Variants in PKP4 observed in about 807,000 individuals in gnomAD.
The protein encoded by PKP4 is plakophilin-4.
A neutral mutation model predicts 145.1 loss-of-function variants in PKP4; 90 were observed. The observed-to-expected ratio is 0.62, with a 90% CI of 0.52 to 0.74. PKP4 has a LOEUF of 0.74. Ranked by LOEUF, PKP4 falls within the 30% of genes least tolerant of loss-of-function variation. PKP4 has a pLI of 0.00. For synonymous variants in PKP4, 563 were observed against 577.2 expected (o/e 0.98, Z 0.35); for missense variants, 1,340 against 1,482.7 (o/e 0.90, Z 1.58).
At chr2:158,557,771 G>A (rs1300509002) in intron 2 of PKP4, among the ~76,000 whole-genome samples, 1 of 152,176 alleles carries the variant, frequency 6.6e-6, no homozygotes, top group Non-Finnish European at 1.5e-5. Context: ...GATGGAACAG[G>A]ACCTGTTTAC....
At chr2:158,634,564 C>A (rs1405755580) in intron 9 of PKP4, among the ~76,000 whole-genome samples, 2 of 152,180 alleles carry the variant, frequency 1.3e-5, no homozygotes, top group Non-Finnish European at 2.9e-5. Flanking sequence ...TGAAATATTT[C>A]ATCAAGACAA....
chr2:158,570,712 A>G (rs1222282522), intron 2 of PKP4, among the ~76,000 whole-genome samples: 1 of 152,212 alleles, frequency 6.6e-6, no homozygotes, highest in Non-Finnish European at 1.5e-5. Flanking sequence ...TGTCACGCAG[A>G]TAAACATTTC....
At chr2:158,676,615 C>T in intron 19 of PKP4, 124 bp from the exon 20 acceptor site, 2 of 1,163,608 alleles carry the variant, frequency 1.7e-6, no homozygotes, top group South Asian at 1.3e-5. Flanking sequence ...GAGATATTTT[C>T]AGCACCAGCT....
chr2:158,647,373 T>C (rs932847341), intron 11 of PKP4, among the ~76,000 whole-genome samples: 1 of 152,222 alleles, frequency 6.6e-6, no homozygotes, highest in Non-Finnish European at 1.5e-5. Context: ...CTAGGAATTC[T>C]TTGATTCTTA....
At chr2:158,606,930 A>G (rs1479895167) in intron 4 of PKP4, among the ~76,000 whole-genome samples, 2 of 152,166 alleles carry the variant, frequency 1.3e-5, no homozygotes, top group African/African-American at 4.8e-5. Context: ...GAAAATCATA[A>G]GTATATACGT....
chr2:158,583,662 C>T (rs2048531262), intron 3 of PKP4, among the ~76,000 whole-genome samples: 1 of 151,946 alleles, frequency 6.6e-6, no homozygotes, highest in African/African-American at 2.4e-5. Context: ...TTTTCATGAA[C>T]CCCCCTAAAA....
At chr2:158,604,737 G>A (rs1210265231) in intron 4 of PKP4, among the ~76,000 whole-genome samples, 2 of 152,136 alleles carry the variant, frequency 1.3e-5, no homozygotes, top group Non-Finnish European at 1.5e-5. Flanking sequence ...GGCAGCAAGT[G>A]ACACCACTCA....
chr2:158,670,024 T>C (rs2057425577), intron 17 of PKP4, 109 bp downstream of exon 17: 1 of 869,640 alleles, frequency 1.1e-6, no homozygotes, highest in Non-Finnish European at 1.7e-6. Context: ...TATTTTTGCA[T>C]TTCTTACATG....
chr2:158,592,783 A>G (rs1024763095), intron 3 of PKP4, among the ~76,000 whole-genome samples: 12 of 152,112 alleles, frequency 7.9e-5, no homozygotes, highest in African/African-American at 2.9e-4. Flanking sequence ...TTTTAAGTAA[A>G]TTTTTACATA....
intron 3 of PKP4, among the ~76,000 whole-genome samples, chr2:158,595,307 T>G (rs952623953): frequency 1.3e-5 from 2 of 152,148 alleles, no homozygotes; most frequent in African/African-American, 4.8e-5. Context: ...AGATCCTACT[T>G]CTCACCATGC....
At chr2:158,658,921 G>A (rs2056261072) in intron 12 of PKP4, 1 of 152,384 alleles carries the variant, frequency 6.6e-6, no homozygotes, top group Non-Finnish European at 1.5e-5. Context: ...AGGGCAGAGT[G>A]GCACAGGGAC....
At chr2:158,507,453 G>A (rs1335307886) in intron 1 of PKP4, among the ~76,000 whole-genome samples, 4 of 152,124 alleles carry the variant, frequency 2.6e-5, no homozygotes, top group Non-Finnish European at 5.9e-5. Flanking sequence ...ACCAGGACTC[G>A]GTCATGGCAA....
intron 1 of PKP4, among the ~76,000 whole-genome samples, chr2:158,462,376 A>AG (rs1488259803): frequency 7.3e-4 from 1 of 1,370 alleles, no homozygotes; most frequent in South Asian, 0.017. Context: ...ATTTTTCTTA[A>AG]GAAAAAAAAA....
rs537834484 is a variant in PKP4 at position 158,514,779 on chromosome 2, A to G, written c.-5-18401A>G. On this transcript the variant is annotated intron_variant, in intron 1 of 21. Transcript: ENST00000389759. The stretch of plus-strand genomic sequence containing the variant: ...AACATGGTGAAACCCCATCTCTACT[A>G]TAAACACAAAAATTAGCCAGGCGTG... 2.8e-3 allele frequency among the ~76,000 whole-genome samples: 427 copies of G among 152,288 alleles called. 1 individual carries two copies. Among genetic ancestry groups the G allele is most frequent in the Admixed American group, 6.9e-3 (105 of 15,300 alleles).
At chr2:158,668,469 C>G (rs2057300126) in intron 16 of PKP4, among the ~76,000 whole-genome samples, 1 of 152,238 alleles carries the variant, frequency 6.6e-6, no homozygotes, top group East Asian at 1.9e-4. Flanking sequence ...TGGGACCCAC[C>G]CTGCTGTCTG....
chr2:158,553,622 TAG>T (rs75112088), intron 2 of PKP4, among the ~76,000 whole-genome samples: 34,086 of 152,100 alleles, frequency 0.22, 4,325 homozygotes, highest in Middle Eastern at 0.35. Flanking sequence ...AGCTTTGGCC[TAG>T]AGTCATAGTC....
intron 1 of PKP4, chr2:158,458,283 G>C (rs1001754969): frequency 1.3e-5 from 2 of 152,810 alleles, no homozygotes; most frequent in Admixed American, 6.5e-5. Context: ...CGCAGCCAGA[G>C]GTCACCGGAG....
At position 158,669,758 on chromosome 2, in the gene PKP4, G is replaced by T; in HGVS notation, c.2767G>T (p.Gly923Cys). Residue 923 changes from glycine to cysteine, a missense_variant, in exon 17 of 22, where the codon GGC becomes TGC. By Grantham distance (159) the Gly-to-Cys change is radical. Coordinates refer to ENST00000389759, the MANE Select transcript of PKP4 (RefSeq NM_003628.6). ...AMRDLVNRLP[G>C]GNGPSVLSDE... is the part of the protein sequence containing the mutation. ...GCGAGACCTGGTCAACCGGCTCCCC[G>T]GCGGCAATGGCCCCAGTGTCTTGTC... 6.2e-7 allele frequency: 1 copy of T among 1,603,228 alleles called. No homozygotes were observed. The highest frequency in any genetic ancestry group is 8.5e-7 in the Non-Finnish European group (1 of 1,172,676).
intron 8 of PKP4, among the ~76,000 whole-genome samples, chr2:158,633,324 A>G (rs140272319): frequency 6.6e-6 from 1 of 152,380 alleles, no homozygotes; most frequent in East Asian, 1.9e-4. Flanking sequence ...AAATAGAACA[A>G]TTAAGTAAAA....
Sources: gnomAD v4.1 joint callset for allele counts (sites outside exome capture counted in the v4.1 genomes callset) on GRCh38, gnomAD v4.1.1 for gene constraint, MANE v1.5 for transcripts, NCBI Gene and HGNC (gene_info 2026-07-23, HGNC 2026-07-21) for gene names.